TIAM2: variants seen among roughly 807,000 people sequenced by gnomAD.
The protein encoded by TIAM2 is rho guanine nucleotide exchange factor TIAM2.
TIAM2 carries 80 observed loss-of-function variants against 152.9 expected under a neutral mutation model. The observed-to-expected ratio is 0.52, with a 90% confidence interval of 0.44 to 0.63. The LOEUF (loss-of-function observed/expected upper bound fraction) is 0.63. Among genes scored for constraint, TIAM2 ranks in the 30% least tolerant of loss-of-function variants. The pLI is 0.00. For missense variants in TIAM2, 1,965 were observed against 2,120.1 expected, an observed-to-expected ratio of 0.93 and a Z score of 1.44; for synonymous variants, 804 against 838.0, an observed-to-expected ratio of 0.96 and a Z score of 0.70.
intron 1 of TIAM2, among the ~76,000 whole-genome samples, chr6:155,034,045 CTT>C (rs11333263): frequency 0.021 from 3,067 of 145,912 alleles, 83 homozygotes; most frequent in African/African-American, 0.07. Context: ...TGTTGCTTAC[CTT>C]TTTTTTTTTT....
At chr6:155,157,452 CTT>C (rs1237469585) in intron 7 of TIAM2, among the ~76,000 whole-genome samples, 2 of 143,784 alleles carry the variant, frequency 1.4e-5, no homozygotes, top group African/African-American at 2.5e-5. Context: ...CTTTTTCTTT[CTT>C]TTTTTTTTTT....
chr6:155,220,681 G>C (rs1391035619), intron 15 of TIAM2, among the ~76,000 whole-genome samples: 12 of 151,996 alleles, frequency 7.9e-5, no homozygotes, highest in Admixed American at 7.9e-4. Context: ...GAAAAAATAG[G>C]GATTTGCATT....
In TIAM2 at chr6:155,107,206, C is replaced by T. The variant is rs946052249; in HGVS notation, c.-118+16827C>T. Among the ~76,000 whole-genome samples the T allele has an allele frequency of 5.9e-5, 9 of 151,922 alleles. No individual in the cohort carries two copies. In the South Asian group the frequency reaches 8.3e-4, roughly 14 times the overall value. On this transcript the variant is annotated intron_variant, in intron 2 of 26. Coordinates refer to ENST00000682666, the MANE Select transcript of TIAM2 (RefSeq NM_012454.4). ...TACTTCCCCTCTTCTGGAGTTGAGA[C>T]GTAATTTTACATGTGAGATAAAAAT...
intron 14 of TIAM2, among the ~76,000 whole-genome samples, chr6:155,198,371 C>A (rs1781394603): frequency 6.6e-6 from 1 of 152,152 alleles, no homozygotes; most frequent in Admixed American, 6.6e-5. Flanking sequence ...TGTTAGAAAT[C>A]TCTTAATGAG....
At chr6:155,074,463 T>G (rs1191478803) in intron 1 of TIAM2, among the ~76,000 whole-genome samples, 2 of 152,114 alleles carry the variant, frequency 1.3e-5, no homozygotes, top group Admixed American at 1.3e-4. Context: ...TTCTCCTGCC[T>G]CAGTCTCCTG....
chr6:155,061,922 G>A (rs1270696399), intron 1 of TIAM2, among the ~76,000 whole-genome samples: 1 of 152,190 alleles, frequency 6.6e-6, no homozygotes, highest in East Asian at 1.9e-4. Flanking sequence ...CCACCACAGT[G>A]CTGTACTGAA....
intron 1 of TIAM2, among the ~76,000 whole-genome samples, chr6:155,032,056 C>T (rs548045176): frequency 3.0e-4 from 46 of 152,142 alleles, no homozygotes; most frequent in South Asian, 8.3e-4. Flanking sequence ...CAAAGTATAG[C>T]GTGTACTTTA....
At chr6:155,170,495 G>A (rs916581465) in intron 9 of TIAM2, among the ~76,000 whole-genome samples, 7 of 152,136 alleles carry the variant, frequency 4.6e-5, no homozygotes, top group Non-Finnish European at 8.8e-5. Context: ...CTTGCTCCTC[G>A]GAGGCTGAGG....
intron 2 of TIAM2, among the ~76,000 whole-genome samples, chr6:155,113,191 G>A (rs896795076): frequency 2.0e-5 from 3 of 151,930 alleles, no homozygotes; most frequent in African/African-American, 4.8e-5. Flanking sequence ...GCTCTGCTGC[G>A]GCCATGCTGG....
intron 1 of TIAM2, among the ~76,000 whole-genome samples, chr6:155,082,510 C>T (rs1406619940): frequency 1.3e-5 from 2 of 151,636 alleles, no homozygotes; most frequent in East Asian, 1.9e-4. Flanking sequence ...ATTAGCTGGG[C>T]GTGGTGGCAC....
intron 1 of TIAM2, among the ~76,000 whole-genome samples, chr6:155,037,425 A>G (rs1233565427): frequency 1.3e-5 from 2 of 152,182 alleles, no homozygotes; most frequent in African/African-American, 4.8e-5. Flanking sequence ...TTCTGAAAAA[A>G]AAATCCCCAC....
At chr6:155,164,104 T>C (rs1780347224) in intron 7 of TIAM2, among the ~76,000 whole-genome samples, 1 of 146,242 alleles carries the variant, frequency 6.8e-6, no homozygotes, top group African/African-American at 2.5e-5. Context: ...AGATTACAGG[T>C]GCCTGGCACC....
At chr6:155,216,888 C>A in intron 15 of TIAM2, 1 of 1,168,032 alleles carries the variant, frequency 8.6e-7, no homozygotes, top group Middle Eastern at 3.8e-4. Flanking sequence ...ATCACCGGTG[C>A]TGCTGTGGAG....
chr6:155,114,037 T>TA (rs1381031482), intron 2 of TIAM2, among the ~76,000 whole-genome samples: 508 of 28,424 alleles, frequency 0.018, 9 homozygotes, highest in Middle Eastern at 0.067. Flanking sequence ...TATATATATA[T>TA]TTTTTTTTTT....
chr6:155,130,872 C>G (rs1779430266), intron 4 of TIAM2, among the ~76,000 whole-genome samples: 1 of 152,188 alleles, frequency 6.6e-6, no homozygotes, highest in African/African-American at 2.4e-5. Context: ...GGACCCTAAT[C>G]CCATCATGGG....
chr6:155,143,027 G>A lies in TIAM2; in HGVS notation c.1631-1579G>A, dbSNP rs558608460. On this transcript the variant is annotated intron_variant, in intron 5 of 26. Coordinates refer to ENST00000682666, the MANE Select transcript of TIAM2 (RefSeq NM_012454.4). ...GAATGAGGATGCAAACACAGTAGTA[G>A]GATAAAGTACCGTGAAGTGGGCCCC... Among the ~76,000 whole-genome samples the A allele has an allele frequency of 3.9e-5, 6 of 152,350 alleles. No homozygotes were observed. In the East Asian group the frequency reaches 9.6e-4, roughly 24 times the overall value.
chr6:155,225,454 G>A (rs1044032725), intron 15 of TIAM2, among the ~76,000 whole-genome samples: 2 of 152,146 alleles, frequency 1.3e-5, no homozygotes, highest in Non-Finnish European at 2.9e-5. Flanking sequence ...GTAATACAAC[G>A]TGAGGCTTAC....
Position 155,183,305 on chromosome 6 carries a change from A to G in TIAM2, c.2869A>G (p.Met957Val), listed in dbSNP as rs1780955394. The change falls in exon 14 of 27, where the codon ATG (methionine) becomes GTG (valine). Residue 957 changes from methionine to valine, a missense_variant. Around this residue, in one of 3 missense-constraint regions of TIAM2, gnomAD observed 935 missense variants for 980.0 expected, o/e 0.95. Transcript: ENST00000682666. ...TGTGTCTGATCTTGACCTTAAGCAG[A>G]TGGAGGCCCTGTTTTCTGAGAAGAG... Reference protein sequence around the residue: ...EAVSDLDLKQMEALFSEKSVG... With the variant: ...EAVSDLDLKQVEALFSEKSVG... 1.2e-6 allele frequency: 2 copies of G among 1,614,194 alleles called. No homozygotes were observed. The highest frequency in any genetic ancestry group is 1.7e-6 in the Non-Finnish European group (2 of 1,180,038).
intron 2 of TIAM2, among the ~76,000 whole-genome samples, chr6:155,125,798 A>AGTGG (rs1779281152): frequency 6.6e-6 from 1 of 151,932 alleles, no homozygotes; most frequent in African/African-American, 2.4e-5. Context: ...AGATTGTGCC[A>AGTGG]CTGCACTCCA....
Sources: gnomAD v4.1 joint callset for allele counts (sites outside exome capture counted in the v4.1 genomes callset) on GRCh38, gnomAD v4.1.1 for gene constraint, gnomAD v4.1.1 regional missense constraint, MANE v1.5 for transcripts, NCBI Gene and HGNC (gene_info 2026-07-23, HGNC 2026-07-21) for gene names.